The following ZNF383 variants were observed in gnomAD, a reference collection of about 807,000 sequenced individuals.
ZNF383 encodes the protein zinc finger protein 383.
A neutral mutation model predicts 44.2 loss-of-function variants in ZNF383; 32 were observed. The observed-to-expected ratio is 0.72, with a 90% CI of 0.55 to 0.97. The LOEUF (loss-of-function observed/expected upper bound fraction) is 0.97, where lower values mean the gene tolerates loss of function less well. ZNF383 is among the 50% of genes least tolerant of loss of function. The probability of loss-of-function intolerance (pLI) is 0.00; values close to 1 mark genes in which losing one functional copy is unlikely to be tolerated. For missense variants in ZNF383, 487 were observed against 562.5 expected, an observed-to-expected ratio of 0.87 and a Z score of 1.36; for synonymous variants, 155 against 186.2, an observed-to-expected ratio of 0.83 and a Z score of 1.36.
In ZNF383 at chr19:37,242,506, A is replaced by G. The variant is rs1974165902; in HGVS notation, c.270A>G (p.Leu90=). 1 of 1,610,212 alleles carries G rather than the reference A, an allele frequency of 6.2e-7. No homozygotes were observed. The highest frequency in any genetic ancestry group is 8.5e-7 in the Non-Finnish European group (1 of 1,177,848). Residue 90 remains leucine, a synonymous_variant, in exon 6 of 6, where the codon CTA becomes CTG. Coordinates refer to ENST00000684119, the MANE Select transcript of ZNF383 (RefSeq NM_001387601.1). ...ESMCETKLLS[L]KKEVYEIELC... ...TGTGTGAAACCAAGTTATTATCTCT[A>G]AAGAAGGAAGTTTATGAAATAGAAT...
At chr19:37,232,795 T>C (rs1165521921) in intron 3 of ZNF383, among the ~76,000 whole-genome samples, 1 of 152,230 alleles carries the variant, frequency 6.6e-6, no homozygotes, top group Non-Finnish European at 1.5e-5. Flanking sequence ...CTTAGACTTG[T>C]CCAAAAGTGA....
rs1275046751 is a variant in ZNF383 at position 37,243,550 on chromosome 19, T to C, written c.1314T>C (p.Thr438=). The C allele has an allele frequency of 1.9e-6, 3 of 1,614,122 alleles. No homozygotes were observed. Among genetic ancestry groups the C allele is most frequent in the Non-Finnish European group, 2.5e-6 (3 of 1,179,998 alleles). Residue 438 remains threonine (T), a synonymous_variant, in exon 6 of 6, where the codon ACT becomes ACC. Transcript: ENST00000684119. ...GKAFNKCSNL[T]RHLRIHTGEK... is the part of the protein sequence containing the mutation. ...CCTTTAATAAATGCTCAAACCTTAC[T>C]CGACATCTGAGAATTCACACTGGTG... is the stretch of plus-strand genomic sequence containing the variant.
In ZNF383 at chr19:37,235,564, A is replaced by G. The variant is rs148666375; in HGVS notation, c.25A>G (p.Ser9Gly). 1.9e-6 allele frequency: 3 copies of G among 1,614,010 alleles called. No individual in the cohort carries two copies. Among genetic ancestry groups the G allele is most frequent in the Non-Finnish European group, 2.5e-6 (3 of 1,179,994 alleles). ...ATTGTTTCAGGGATCAGTGATGTTC[A>G]GTGATGTGTCCATAGACTTCTCTCA... MAEGSVMF[S>G]DVSIDFSQEE... Residue 9 changes from serine (S) to glycine (G), a missense_variant, in exon 4 of 6, where the codon AGT (serine) becomes GGT (glycine). Transcript: ENST00000684119.
chr19:37,233,124 T>C (rs940512338), intron 3 of ZNF383, among the ~76,000 whole-genome samples: 4 of 94,798 alleles, frequency 4.2e-5, no homozygotes, highest in Non-Finnish European at 8.5e-5. Flanking sequence ...GTTTTTGTAT[T>C]TATTTATTTA....
intron 5 of ZNF383, among the ~76,000 whole-genome samples, chr19:37,236,672 C>T (rs1011271027): frequency 6.6e-6 from 1 of 151,512 alleles, no homozygotes; most frequent in South Asian, 2.1e-4. Flanking sequence ...CGGGTTCAGG[C>T]GATTCTTCTG....
In ZNF383 at chr19:37,236,050, G is replaced by C; in HGVS notation, c.208G>C (p.Glu70Gln). The change falls in exon 5 of 6, where the codon GAG becomes CAG. Residue 70 changes from glutamate to glutamine, a missense_variant. Glu to Gln is a conservative substitution (Grantham distance 29). Coordinates refer to ENST00000684119, the MANE Select transcript of ZNF383 (RefSeq NM_001387601.1). ...GAAAGAGCCCTGGATGGTTGGCAGA[G>C]AGCTTACAAGAGGCCTGTGTTCAGG... ...QGKEPWMVGRELTRGLCSDLE... is the reference protein window; with the variant it reads ...QGKEPWMVGRQLTRGLCSDLE... The C allele has an allele frequency of 6.2e-7, 1 of 1,613,526 alleles. No individual in the cohort carries two copies. Among genetic ancestry groups the C allele is most frequent in the Non-Finnish European group, 8.5e-7 (1 of 1,179,768 alleles).
rs1974393564 is a variant in ZNF383 at position 37,246,925 on chromosome 19, A to G, written c.*3261A>G. On this transcript the variant is annotated 3_prime_UTR_variant, in exon 6 of 6. Coordinates refer to ENST00000684119, the MANE Select transcript of ZNF383 (RefSeq NM_001387601.1). ...TTTCCCCCCAAAATGCAGAAAACATACTGGCAACATTATTTGACCAGAAGA... is the reference window on the plus strand; with the variant it reads ...TTTCCCCCCAAAATGCAGAAAACATGCTGGCAACATTATTTGACCAGAAGA... 1.3e-5 allele frequency: 2 copies of G among 152,240 alleles called. No homozygotes were observed. The highest frequency in any genetic ancestry group is 4.1e-4 in the South Asian group (2 of 4,836). 9.4% of individuals were successfully genotyped at this position (152,240 alleles called of 1,614,324 possible).
At position 37,244,911 on chromosome 19, in the gene ZNF383, A is replaced by G. The variant is rs1974304229; in HGVS notation, c.*1247A>G. 1 of 152,184 alleles carries G rather than the reference A, an allele frequency of 6.6e-6. No individual in the cohort carries two copies. The highest frequency in any genetic ancestry group is 2.4e-5 in the African/African-American group (1 of 41,452). 9.4% of individuals were successfully genotyped at this position (152,184 alleles called of 1,614,324 possible). A position where few individuals can be genotyped will look rare whatever the true frequency, so the allele number is the denominator to read the frequency against. The stretch of plus-strand genomic sequence containing the variant: ...GATTTCATGAGTGCCATTTCAGTAA[A>G]TATAGATTTTTATTATTTTCATGAC... On this transcript the variant is annotated 3_prime_UTR_variant, in exon 6 of 6. Transcript: ENST00000684119.
At chr19:37,221,985 T>A (rs1298920951) in intron 1 of ZNF383, among the ~76,000 whole-genome samples, 1 of 150,492 alleles carries the variant, frequency 6.6e-6, no homozygotes, top group African/African-American at 2.4e-5. Context: ...AAAAAGCATA[T>A]TCCTTTGACC....
At chr19:37,226,535 C>T (rs1353163148) in intron 2 of ZNF383, 1 of 152,172 alleles carries the variant, frequency 6.6e-6, no homozygotes, top group Middle Eastern at 3.1e-3. Flanking sequence ...TTATTGTCTC[C>T]ATAGTTTTGC....
At position 37,248,516 on chromosome 19, in the gene ZNF383, T is replaced by C. The variant is rs1974445127; in HGVS notation, c.*4852T>C. 1 of 152,210 alleles carries C rather than the reference T, an allele frequency of 6.6e-6. No homozygotes were observed. The allele number at this position is 152,210 out of a possible 1,614,324, so 9.4% of individuals were successfully genotyped here. A position where few individuals can be genotyped will look rare whatever the true frequency, so the allele number is the denominator to read the frequency against. ...AATCAAATTGATTTAGATAAGATTG[T>C]ATTTCTTAGTGTCTGAACTCAGGAA... is the stretch of plus-strand genomic sequence containing the variant. On this transcript the variant is annotated 3_prime_UTR_variant, in exon 6 of 6. Coordinates refer to ENST00000684119, the MANE Select transcript of ZNF383 (RefSeq NM_001387601.1).
chr19:37,235,648 G>A lies in ZNF383; in HGVS notation c.109G>A (p.Glu37Lys). The A allele has an allele frequency of 1.9e-6, 3 of 1,612,286 alleles. No individual in the cohort carries two copies. The highest frequency in any genetic ancestry group is 1.1e-5 in the South Asian group (1 of 90,678). Residue 37 changes from glutamate (E) to lysine (K), a missense_variant, in exon 4 of 6, where the codon GAG becomes AAG. Physicochemically the swap from Glu to Lys is moderately conservative, Grantham distance 56. Transcript: ENST00000684119. ...GGACTTATACAGAGATGTGATGTTG[G>A]AGAACTACGGCAATCTGGTTTCAAT... The part of the protein sequence containing the change: ...QRDLYRDVML[E>K]NYGNLVSMGL...
At chr19:37,233,309 T>A (rs1161107927) in intron 3 of ZNF383, among the ~76,000 whole-genome samples, 1 of 151,782 alleles carries the variant, frequency 6.6e-6, no homozygotes, top group Non-Finnish European at 1.5e-5. Context: ...TTTTTTGTAT[T>A]TTTAGTAGAG....
chr19:37,220,411 C>G (rs1420554802), intron 1 of ZNF383, among the ~76,000 whole-genome samples: 1 of 152,056 alleles, frequency 6.6e-6, no homozygotes, highest in Non-Finnish European at 1.5e-5. Context: ...ATTACAGGCA[C>G]CTGCCATCAT....
At chr19:37,224,071 A>G (rs188783125) in intron 1 of ZNF383, among the ~76,000 whole-genome samples, 10 of 152,202 alleles carry the variant, frequency 6.6e-5, no homozygotes, top group African/African-American at 2.4e-4. Flanking sequence ...TGAAAAATTA[A>G]TGATCTATGT....
At chr19:37,221,305 A>G (rs932449268) in intron 1 of ZNF383, among the ~76,000 whole-genome samples, 1 of 152,178 alleles carries the variant, frequency 6.6e-6, no homozygotes, top group African/African-American at 2.4e-5. Flanking sequence ...TTCTGGGGCC[A>G]GGCATGGTGA....
At chr19:37,234,926 T>G (rs1973706201) in intron 3 of ZNF383, among the ~76,000 whole-genome samples, 1 of 152,144 alleles carries the variant, frequency 6.6e-6, no homozygotes, top group Admixed American at 6.6e-5. Flanking sequence ...TTTCGTGAAA[T>G]CAGTTCTTTT....
chr19:37,242,877 C>T lies in ZNF383; in HGVS notation c.641C>T (p.Thr214Ile). 1.2e-6 allele frequency: 2 copies of T among 1,613,930 alleles called. No individual in the cohort carries two copies. The highest frequency in any genetic ancestry group is 1.7e-6 in the Non-Finnish European group (2 of 1,179,932). ...GKFFSCGSHV[T>I]RHLKIHTGEK... The stretch of plus-strand genomic sequence containing the variant: ...TTCTTTAGTTGTGGTTCACATGTTA[C>T]TCGGCATCTGAAAATTCATACTGGC... Residue 214 changes from threonine to isoleucine, a missense_variant, in exon 6 of 6, where the codon ACT (threonine) becomes ATT (isoleucine). By Grantham distance (89) the Thr-to-Ile change is moderately conservative. Transcript: ENST00000684119.
At chr19:37,224,624 C>A (rs2145480794) in intron 1 of ZNF383, among the ~76,000 whole-genome samples, 194 bp from the exon 2 acceptor site, 1 of 152,166 alleles carries the variant, frequency 6.6e-6, no homozygotes, top group South Asian at 2.1e-4. Flanking sequence ...GCAGTCACAG[C>A]TCACTGCAAA....
Sources: allele counts gnomAD v4.1 joint callset (sites outside exome capture counted in the v4.1 genomes callset), GRCh38; gene constraint gnomAD v4.1.1; transcripts MANE v1.5; gene names NCBI Gene and HGNC (gene_info 2026-07-23, HGNC 2026-07-21).